STXBP5L: variants seen among roughly 807,000 people sequenced by gnomAD.
STXBP5L encodes syntaxin binding protein 5L, also known as syntaxin-binding protein 5-like.
STXBP5L carries 65 observed loss-of-function variants against 144.5 expected under a neutral mutation model. That is an observed-to-expected ratio of 0.45 (90% confidence interval 0.37 to 0.55). The LOEUF is 0.55. STXBP5L is among the 20% of genes least tolerant of loss of function. STXBP5L has a pLI of 0.00. For missense variants in STXBP5L, 1,298 were observed against 1,405.5 expected (o/e 0.92, Z 1.22); for synonymous variants, 505 against 469.6 (o/e 1.08, Z -0.97).
intron 5 of STXBP5L, among the ~76,000 whole-genome samples, chr3:121,092,129 T>C (rs2042840908): frequency 1.3e-5 from 2 of 152,122 alleles, no homozygotes; most frequent in African/African-American, 4.8e-5. Context: ...TATTGGTCTA[T>C]ATCTCTGTTT....
At chr3:121,165,168 A>C (rs1301156533) in intron 9 of STXBP5L, among the ~76,000 whole-genome samples, 1 of 152,232 alleles carries the variant, frequency 6.6e-6, no homozygotes, top group Non-Finnish European at 1.5e-5. Context: ...TTTACTTTTA[A>C]AAATGAAGTG....
chr3:121,190,874 G>T (rs2047642843), intron 9 of STXBP5L, among the ~76,000 whole-genome samples: 1 of 151,882 alleles, frequency 6.6e-6, no homozygotes, highest in Non-Finnish European at 1.5e-5. Flanking sequence ...GTGGCGGCGG[G>T]GCAGAGACAC....
intron 5 of STXBP5L, among the ~76,000 whole-genome samples, chr3:121,057,018 A>T (rs1056535026): frequency 6.6e-6 from 1 of 150,876 alleles, no homozygotes; most frequent in African/African-American, 2.4e-5. Flanking sequence ...CACACAATAT[A>T]TTGTTAAACA....
chr3:121,028,094 AAATT>A (rs1332552724), intron 3 of STXBP5L, among the ~76,000 whole-genome samples: 22 of 152,192 alleles, frequency 1.4e-4, no homozygotes, highest in Admixed American at 2.6e-4. Context: ...TTTGTTAAAT[AAATT>A]AATTAATACA....
intron 9 of STXBP5L, among the ~76,000 whole-genome samples, chr3:121,167,821 T>A (rs1215873026): frequency 6.6e-6 from 1 of 152,192 alleles, no homozygotes; most frequent in Non-Finnish European, 1.5e-5. Flanking sequence ...AGCACAGCGT[T>A]CGAGCTCTGC....
chr3:121,378,773 G>A lies in STXBP5L; in HGVS notation c.2234G>A (p.Arg745His), dbSNP rs768370228. ...TCTCAGAGTTGCAGTTCTGGAAAAC[G>A]TCTTTCTAGTGCCGATGTTTCAAAA... ...PTSQSCSSGK[R>H]LSSADVSKVN... The change falls in exon 21 of 27, where the codon CGT (arginine) becomes CAT (histidine). Residue 745 changes from arginine (R) to histidine (H), a missense_variant. Coordinates refer to ENST00000471454, the MANE Select transcript of STXBP5L (RefSeq NM_001308330.2). The A allele has an allele frequency of 4.3e-6, 7 of 1,613,548 alleles. No individual in the cohort carries two copies. Among genetic ancestry groups the A allele is most frequent in the Middle Eastern group, 1.6e-4 (1 of 6,080 alleles).
chr3:121,277,856 G>T (rs2050933359), intron 18 of STXBP5L, among the ~76,000 whole-genome samples: 1 of 152,030 alleles, frequency 6.6e-6, no homozygotes, highest in African/African-American at 2.4e-5. Context: ...GAGCTCTGCA[G>T]TTTCATTGGT....
At chr3:120,973,530 C>T (rs974790904) in intron 3 of STXBP5L, among the ~76,000 whole-genome samples, 2 of 151,704 alleles carry the variant, frequency 1.3e-5, no homozygotes, top group South Asian at 2.1e-4. Flanking sequence ...ACTAACTTTT[C>T]ATTTCTTTGA....
chr3:121,333,985 T>C (rs748394584), intron 20 of STXBP5L, among the ~76,000 whole-genome samples: 30 of 151,998 alleles, frequency 2.0e-4, no homozygotes, highest in Non-Finnish European at 3.7e-4. Flanking sequence ...GGGAGATAAT[T>C]GAATCATGGC....
chr3:121,310,890 C>A (rs1005714220), intron 19 of STXBP5L, among the ~76,000 whole-genome samples: 7 of 151,626 alleles, frequency 4.6e-5, no homozygotes, highest in South Asian at 2.1e-4. Context: ...GCCTGGGCAA[C>A]AGAGCAAGAC....
intron 20 of STXBP5L, among the ~76,000 whole-genome samples, chr3:121,346,870 A>G (rs1196570421): frequency 6.6e-6 from 1 of 152,138 alleles, no homozygotes; most frequent in African/African-American, 2.4e-5. Flanking sequence ...TCAGATGAGT[A>G]GGTTGCAAAA....
rs2041668630 is a variant in STXBP5L, at chr3:121,068,771, A to G, written c.470+23236A>G. Among the ~76,000 whole-genome samples, 4 of 151,842 alleles carry G rather than the reference A, an allele frequency of 2.6e-5. No homozygotes were observed. The South Asian group carries it at 8.3e-4, about 32-fold the overall frequency. ...GCATATGTATTTATTCTTTCTTTTT[A>G]TCCTCATTCCTTACTATGTCTACTT... On this transcript the variant is annotated intron_variant, in intron 5 of 26. Coordinates refer to ENST00000471454, the MANE Select transcript of STXBP5L (RefSeq NM_001308330.2).
chr3:121,189,334 C>G (rs1401938783), intron 9 of STXBP5L, among the ~76,000 whole-genome samples: 1 of 152,178 alleles, frequency 6.6e-6, no homozygotes, highest in Non-Finnish European at 1.5e-5. Flanking sequence ...AGGTTTTCTT[C>G]TAGGGTTTTT....
At position 121,288,988 on chromosome 3, in the gene STXBP5L, G is replaced by A. The variant is rs533083923; in HGVS notation, c.2110+9032G>A. ...CTACTTGAGGGTGGAGTGTGAGAGC[G>A]GGGAGAGGATTTTAAAAATACCTAC... On this transcript the variant is annotated intron_variant, in intron 19 of 26. Coordinates refer to ENST00000471454, the MANE Select transcript of STXBP5L (RefSeq NM_001308330.2). Among the ~76,000 whole-genome samples, 57 of 151,864 alleles carry A rather than the reference G, an allele frequency of 3.8e-4. 1 individual carries two copies. The highest frequency in any genetic ancestry group is 3.3e-3 in the South Asian group (16 of 4,792).
At chr3:121,279,780 T>C (rs758736071) in intron 18 of STXBP5L, 25 bp from the exon 19 acceptor site, 5 of 1,609,016 alleles carry the variant, frequency 3.1e-6, no homozygotes, top group East Asian at 4.5e-5. Context: ...TGATACATTC[T>C]AGTTGTATTT....
At chr3:121,156,687 A>C (rs2046124325) in intron 8 of STXBP5L, among the ~76,000 whole-genome samples, 2 of 151,952 alleles carry the variant, frequency 1.3e-5, no homozygotes, top group Non-Finnish European at 2.9e-5. Context: ...CCTTGGATTC[A>C]ACTAACTATA....
chr3:121,119,236 C>T (rs1219471723), intron 6 of STXBP5L, among the ~76,000 whole-genome samples: 1 of 151,326 alleles, frequency 6.6e-6, no homozygotes, highest in Non-Finnish European at 1.5e-5. Context: ...TCCTGTATGG[C>T]AATAATCAAC....
intron 2 of STXBP5L, among the ~76,000 whole-genome samples, chr3:120,918,171 C>G (rs533856423): frequency 6.6e-6 from 1 of 152,290 alleles, no homozygotes; most frequent in East Asian, 1.9e-4. Flanking sequence ...ACTTTCCTGC[C>G]TCCCTTTTTT....
At chr3:121,120,693 G>T (rs1228793129) in intron 6 of STXBP5L, among the ~76,000 whole-genome samples, 1 of 151,166 alleles carries the variant, frequency 6.6e-6, no homozygotes, top group Admixed American at 6.6e-5. Context: ...GAATTAATTT[G>T]TCACTTTTCT....
Sources: allele counts gnomAD v4.1 joint callset (sites outside exome capture counted in the v4.1 genomes callset), GRCh38; gene constraint gnomAD v4.1.1; transcripts MANE v1.5; gene names NCBI Gene and HGNC (gene_info 2026-07-23, HGNC 2026-07-21).